Variants in CDH13 observed in about 807,000 individuals in gnomAD.
CDH13 encodes the protein cadherin 13.
In CDH13, 24 loss-of-function variants were observed where a neutral mutation model predicts 63.8. The ratio of observed to expected loss-of-function variants is 0.38; its 90% CI spans 0.27 to 0.53. CDH13 has a LOEUF of 0.53. Among genes scored for constraint, CDH13 ranks in the 20% least tolerant of loss-of-function variants. The pLI is 0.85. For missense variants in CDH13, 1,049 were observed against 903.1 expected, an observed-to-expected ratio of 1.16 and a Z score of -2.07; for synonymous variants, 503 against 355.3, an observed-to-expected ratio of 1.42 and a Z score of -4.67.
intron 2 of CDH13, among the ~76,000 whole-genome samples, chr16:82,989,541 AT>A (rs1911389176): frequency 6.6e-6 from 1 of 152,118 alleles, no homozygotes. Flanking sequence ...AGTCATGTCA[AT>A]TTTCTTGTTT....
chr16:82,849,514 A>C (rs1204084281), intron 1 of CDH13, among the ~76,000 whole-genome samples: 1 of 152,150 alleles, frequency 6.6e-6, no homozygotes, highest in Admixed American at 6.5e-5. Context: ...AAAATAAATA[A>C]ATAAAATAAA....
intron 10 of CDH13, among the ~76,000 whole-genome samples, chr16:83,685,025 A>G (rs1481210378): frequency 1.3e-5 from 2 of 152,132 alleles, no homozygotes; most frequent in Non-Finnish European, 2.9e-5. Flanking sequence ...ATGGTCTGTT[A>G]TGGTTGCTAG....
At chr16:82,920,902 C>A (rs189245525) in intron 2 of CDH13, among the ~76,000 whole-genome samples, 20 of 152,224 alleles carry the variant, frequency 1.3e-4, no homozygotes, top group Non-Finnish European at 2.6e-4. Context: ...ATTGAGTGAG[C>A]CCCATTCAAT....
At chr16:82,716,403 T>C (rs1056342119) in intron 1 of CDH13, among the ~76,000 whole-genome samples, 2 of 151,874 alleles carry the variant, frequency 1.3e-5, no homozygotes, top group African/African-American at 4.8e-5. Context: ...TCTGACGGAT[T>C]CATCTCTCCC....
intron 1 of CDH13, among the ~76,000 whole-genome samples, chr16:82,692,155 C>T (rs1439036354): frequency 6.6e-6 from 1 of 152,144 alleles, no homozygotes; most frequent in Non-Finnish European, 1.5e-5. Context: ...AAGTCAAATG[C>T]TTAGGAGTGT....
intron 3 of CDH13, among the ~76,000 whole-genome samples, chr16:83,083,705 C>T (rs2033407537): frequency 6.6e-6 from 1 of 152,194 alleles, no homozygotes; most frequent in East Asian, 1.9e-4. Context: ...ATATGAGCCT[C>T]TAGCTATAAA....
intron 1 of CDH13, among the ~76,000 whole-genome samples, chr16:82,652,462 C>G (rs1347451300): frequency 1.3e-5 from 2 of 152,188 alleles, no homozygotes; most frequent in African/African-American, 4.8e-5. Flanking sequence ...TGAAGATAGA[C>G]AGGTGGTTGC....
At chr16:83,055,343 C>T (rs992676824) in intron 3 of CDH13, among the ~76,000 whole-genome samples, 3 of 151,002 alleles carry the variant, frequency 2.0e-5, no homozygotes, top group African/African-American at 7.3e-5. Context: ...TTTGAAAGTT[C>T]TGTAACTTGA....
intron 6 of CDH13, among the ~76,000 whole-genome samples, chr16:83,440,704 G>A (rs1202756713): frequency 2.7e-5 from 4 of 149,196 alleles, no homozygotes; most frequent in Non-Finnish European, 4.4e-5. Flanking sequence ...AGAATTGCTT[G>A]AACCTGGGAG....
intron 2 of CDH13, among the ~76,000 whole-genome samples, chr16:82,997,284 C>A (rs2046377123): frequency 6.6e-6 from 1 of 152,090 alleles, no homozygotes; most frequent in Non-Finnish European, 1.5e-5. Context: ...CACTGACAAG[C>A]AAATGTGTAA....
Position 83,461,936 on chromosome 16 carries a change from A to G in CDH13, c.782-24541A>G, listed in dbSNP as rs182753194. On this transcript the variant is annotated intron_variant, in intron 6 of 13. Coordinates refer to ENST00000567109, the MANE Select transcript of CDH13 (RefSeq NM_001257.5). ...GTAAGGTATGAGCTCAGGTCCCTGG[A>G]TGTGTTTAGGCAAAGGCTGTACACC... Among the ~76,000 whole-genome samples the G allele has an allele frequency of 3.3e-3, 498 of 152,304 alleles. 6 individuals carry two copies. Among genetic ancestry groups the G allele is most frequent in the African/African-American group, 0.012 (481 of 41,568 alleles).
intron 1 of CDH13, among the ~76,000 whole-genome samples, chr16:82,663,732 A>C (rs1489027501): frequency 6.6e-6 from 1 of 152,158 alleles, no homozygotes; most frequent in African/African-American, 2.4e-5. Context: ...ATTCGTGTCC[A>C]TTTGGTTTCT....
At chr16:83,565,154 C>A (rs141053395) in intron 7 of CDH13, among the ~76,000 whole-genome samples, 1 of 152,096 alleles carries the variant, frequency 6.6e-6, no homozygotes, top group Admixed American at 6.5e-5. Flanking sequence ...CCCAGTGATC[C>A]TTTTCAGACT....
intron 5 of CDH13, among the ~76,000 whole-genome samples, chr16:83,292,805 A>G (rs1163862468): frequency 2.6e-5 from 4 of 152,204 alleles, no homozygotes; most frequent in African/African-American, 7.2e-5. Context: ...GTTTAGCTTG[A>G]TAGTGCTCTG....
rs1904288505 is a variant in CDH13, at chr16:83,797,597, G to C, written c.*2567G>C. 6.6e-6 allele frequency: 1 copy of C among 152,106 alleles called. No homozygotes were observed. 9.4% of individuals were successfully genotyped at this position (152,106 alleles called of 1,614,324 possible). A position where few individuals can be genotyped will look rare whatever the true frequency, so the allele number is the denominator to read the frequency against. On this transcript the variant is annotated 3_prime_UTR_variant, in exon 14 of 14. Transcript: ENST00000567109. ...CATTTCCTGAATCATAAGATGTTTT[G>C]TTCATTTGCTGGAATATATTACATT... is the stretch of plus-strand genomic sequence containing the variant.
At chr16:83,654,052 C>G (rs1252003482) in intron 8 of CDH13, among the ~76,000 whole-genome samples, 2 of 151,948 alleles carry the variant, frequency 1.3e-5, no homozygotes, top group Non-Finnish European at 2.9e-5. Context: ...ATGCACAAAT[C>G]AGAGACTTAA....
chr16:82,938,146 A>C (rs1432609156), intron 2 of CDH13, among the ~76,000 whole-genome samples: 3 of 152,240 alleles, frequency 2.0e-5, no homozygotes, highest in Non-Finnish European at 4.4e-5. Context: ...AATGTATCTT[A>C]AGAGCCTTTA....
chr16:82,791,838 C>T (rs1262477580), intron 1 of CDH13, among the ~76,000 whole-genome samples: 1 of 152,196 alleles, frequency 6.6e-6, no homozygotes, highest in Non-Finnish European at 1.5e-5. Context: ...AGAGCTATAA[C>T]ACTCACTGCA....
chr16:83,493,469 A>C (rs1201866308), intron 7 of CDH13, among the ~76,000 whole-genome samples: 1 of 152,202 alleles, frequency 6.6e-6, no homozygotes, highest in South Asian at 2.1e-4. Flanking sequence ...GGTAAAGCAG[A>C]TATGTCGACA....
Sources: allele counts gnomAD v4.1 joint callset (sites outside exome capture counted in the v4.1 genomes callset), GRCh38; gene constraint gnomAD v4.1.1; transcripts MANE v1.5; gene names NCBI Gene and HGNC (gene_info 2026-07-23, HGNC 2026-07-21).